Variants in DPP10 observed in about 807,000 individuals in gnomAD.
The protein encoded by DPP10 is dipeptidyl peptidase like 10.
Under a neutral mutation model 120.9 loss-of-function variants are expected in DPP10, and 33 were observed. The ratio of observed to expected loss-of-function variants is 0.27; its 90% CI spans 0.21 to 0.37. The LOEUF is 0.37. DPP10 is among the 10% of genes least tolerant of loss of function. DPP10 has a pLI of 1.00. For synonymous variants in DPP10, 337 were observed against 326.1 expected, an observed-to-expected ratio of 1.03 and a Z score of -0.36; for missense variants, 816 against 942.8, an observed-to-expected ratio of 0.87 and a Z score of 1.76.
chr2:115,425,933 C>T (rs1465502236), intron 3 of DPP10, among the ~76,000 whole-genome samples: 1 of 152,156 alleles, frequency 6.6e-6, no homozygotes, highest in Admixed American at 6.5e-5. Flanking sequence ...GCCACATATA[C>T]CAAACAACTA....
At chr2:114,584,390 GTTTA>G (rs1690774679) in intron 1 of DPP10, among the ~76,000 whole-genome samples, 1 of 151,940 alleles carries the variant, frequency 6.6e-6, no homozygotes, top group African/African-American at 2.4e-5. Context: ...TTATTTATTT[GTTTA>G]TTTATTTATT....
At chr2:115,273,557 C>T (rs574910919) in intron 1 of DPP10, among the ~76,000 whole-genome samples, 2 of 152,108 alleles carry the variant, frequency 1.3e-5, no homozygotes, top group Admixed American at 6.5e-5. Context: ...AGGATGGTCT[C>T]GATCTCCTGA....
At chr2:114,443,986 T>G (rs776807330) in intron 1 of DPP10, among the ~76,000 whole-genome samples, 15 of 152,164 alleles carry the variant, frequency 9.9e-5, no homozygotes, top group Non-Finnish European at 2.1e-4. Flanking sequence ...CTAAACATGT[T>G]CCTCTATTTA....
At position 115,739,899 on chromosome 2, in the gene DPP10, T is replaced by C; in HGVS notation, c.852+6T>C. The stretch of plus-strand genomic sequence containing the variant: ...AGCAGTATCCGTATCCTAAGGTAAG[T>C]AACATGGAAGTACTATTTTGTTCCT... On this transcript the variant is annotated splice_donor_region_variant and intron_variant, in intron 9 of 25. Coordinates refer to ENST00000410059, the MANE Select transcript of DPP10 (RefSeq NM_020868.6). The C allele has an allele frequency of 1.2e-6, 2 of 1,612,738 alleles. No homozygotes were observed. Among genetic ancestry groups the C allele is most frequent in the Non-Finnish European group, 1.7e-6 (2 of 1,178,968 alleles).
At chr2:115,727,551 T>C (rs1445399490) in intron 7 of DPP10, among the ~76,000 whole-genome samples, 1 of 152,114 alleles carries the variant, frequency 6.6e-6, no homozygotes, top group African/African-American at 2.4e-5. Context: ...ATTAAGTAGT[T>C]GAAATATTGT....
chr2:115,507,804 G>A (rs913336233), intron 4 of DPP10, among the ~76,000 whole-genome samples: 1 of 152,136 alleles, frequency 6.6e-6, no homozygotes, highest in African/African-American at 2.4e-5. Context: ...GGATATTAAA[G>A]TAGAAACTGA....
At chr2:114,976,157 A>G (rs1699743967) in intron 1 of DPP10, among the ~76,000 whole-genome samples, 1 of 152,226 alleles carries the variant, frequency 6.6e-6, no homozygotes, top group Admixed American at 6.5e-5. Context: ...GTTGTAATCA[A>G]TTTAAACTAC....
At chr2:115,803,827 T>G (rs1016907409) in intron 19 of DPP10, among the ~76,000 whole-genome samples, 4 of 152,172 alleles carry the variant, frequency 2.6e-5, no homozygotes, top group Non-Finnish European at 5.9e-5. Context: ...CTTCCCTTTG[T>G]GGGTAACCCG....
chr2:115,700,041 T>C (rs1278265013), intron 7 of DPP10, among the ~76,000 whole-genome samples: 3 of 152,092 alleles, frequency 2.0e-5, no homozygotes, highest in African/African-American at 7.2e-5. Context: ...TCATGGCAGA[T>C]GGGAAAGCTG....
chr2:114,625,951 T>G (rs1694475320), intron 1 of DPP10, among the ~76,000 whole-genome samples: 1 of 151,824 alleles, frequency 6.6e-6, no homozygotes, highest in Non-Finnish European at 1.5e-5. Context: ...GCTATTGGGT[T>G]GTTCATTATT....
intron 1 of DPP10, among the ~76,000 whole-genome samples, chr2:114,486,185 G>A (rs6747076): frequency 0.02 from 2,638 of 132,036 alleles, 45 homozygotes; most frequent in African/African-American, 0.053. Context: ...ACTAGGCCGG[G>A]ATTTCCAAAA....
chr2:115,795,194 A>G (rs1474199954), intron 19 of DPP10, among the ~76,000 whole-genome samples: 1 of 152,046 alleles, frequency 6.6e-6, no homozygotes, highest in Non-Finnish European at 1.5e-5. Context: ...AAAAGAAGGG[A>G]TTTTTGTTTT....
chr2:115,223,194 C>T (rs1188491160), intron 1 of DPP10, among the ~76,000 whole-genome samples: 1 of 152,008 alleles, frequency 6.6e-6, no homozygotes, highest in Admixed American at 6.6e-5. Context: ...GAGGGTTGAG[C>T]TATTTTAGCT....
chr2:115,649,741 G>A (rs2087585222), intron 5 of DPP10, among the ~76,000 whole-genome samples: 1 of 152,004 alleles, frequency 6.6e-6, no homozygotes, highest in South Asian at 2.1e-4. Flanking sequence ...TGTGCTCCAT[G>A]TTTTCAGAAT....
intron 19 of DPP10, among the ~76,000 whole-genome samples, chr2:115,805,466 G>C (rs1260748732): frequency 1.3e-5 from 2 of 151,996 alleles, no homozygotes; most frequent in Non-Finnish European, 2.9e-5. Flanking sequence ...ACTCCCCAGT[G>C]AGATGAACCC....
At chr2:114,609,202 T>G (rs1693078955) in intron 1 of DPP10, among the ~76,000 whole-genome samples, 1 of 152,118 alleles carries the variant, frequency 6.6e-6, no homozygotes. Flanking sequence ...GGGTATATTT[T>G]GGAGTGGCGG....
At chr2:115,275,299 ATC>A (rs1226758110) in intron 1 of DPP10, among the ~76,000 whole-genome samples, 2 of 152,148 alleles carry the variant, frequency 1.3e-5, no homozygotes, top group Non-Finnish European at 2.9e-5. Context: ...CTATCTCTTT[ATC>A]TCTCTCTAGC....
intron 5 of DPP10, among the ~76,000 whole-genome samples, chr2:115,588,447 T>C (rs886332922): frequency 6.6e-6 from 1 of 152,192 alleles, no homozygotes; most frequent in African/African-American, 2.4e-5. Context: ...CTTCAATATA[T>C]GATGGAGTTG....
chr2:115,176,044 T>G (rs1398544008), intron 1 of DPP10, among the ~76,000 whole-genome samples: 1 of 152,094 alleles, frequency 6.6e-6, no homozygotes, highest in Non-Finnish European at 1.5e-5. Flanking sequence ...AGGCTTTATT[T>G]CTCAAAAGCA....
Sources: gnomAD v4.1 joint callset for allele counts (sites outside exome capture counted in the v4.1 genomes callset) on GRCh38, gnomAD v4.1.1 for gene constraint, MANE v1.5 for transcripts, NCBI Gene and HGNC (gene_info 2026-07-23, HGNC 2026-07-21) for gene names.